Variants in ZFHX3 observed in about 807,000 individuals in gnomAD.
ZFHX3 encodes the protein zinc finger homeobox 3.
ZFHX3 carries 42 observed loss-of-function variants against 279.1 expected under a neutral mutation model. That is an observed-to-expected ratio of 0.15 (90% CI 0.12 to 0.19). The LOEUF is 0.19. Ranked by LOEUF, ZFHX3 falls within the 10% of genes least tolerant of loss-of-function variation. The probability of loss-of-function intolerance (pLI) is 1.00; values close to 1 mark genes in which losing one functional copy is unlikely to be tolerated. For synonymous variants in ZFHX3, 2,293 were observed against 1,957.8 expected, an observed-to-expected ratio of 1.17 and a Z score of -4.52; for missense variants, 4,981 against 4,754.0, an observed-to-expected ratio of 1.05 and a Z score of -1.40.
intron 3 of ZFHX3, among the ~76,000 whole-genome samples, chr16:73,361,728 C>A (rs909358562): frequency 3.9e-5 from 6 of 152,158 alleles, no homozygotes; most frequent in Admixed American, 3.9e-4. Context: ...GAAACTTTCA[C>A]ATACACAAAT....
intron 5 of ZFHX3, among the ~76,000 whole-genome samples, chr16:72,829,199 G>C (rs1190173748): frequency 6.7e-6 from 1 of 148,290 alleles, no homozygotes; most frequent in Non-Finnish European, 1.5e-5. Context: ...TTTTAGTAGA[G>C]ACAGGGACTC....
intron 1 of ZFHX3, among the ~76,000 whole-genome samples, chr16:73,055,692 G>GCACACACA (rs1232763125): frequency 1.4e-3 from 137 of 95,284 alleles, no homozygotes; most frequent in African/African-American, 3.0e-3. Flanking sequence ...GCGCGCGCGC[G>GCACACACA]CGCGCGCACA....
chr16:73,190,729 G>C (rs942596234), intron 5 of ZFHX3, among the ~76,000 whole-genome samples: 5 of 152,126 alleles, frequency 3.3e-5, no homozygotes, highest in African/African-American at 1.2e-4. Context: ...ATCATGCTTT[G>C]AACCGTTTTA....
intron 1 of ZFHX3, among the ~76,000 whole-genome samples, chr16:73,858,794 G>A (rs1421496599): frequency 6.6e-6 from 1 of 152,172 alleles, no homozygotes; most frequent in African/African-American, 2.4e-5. Flanking sequence ...ATATCATGAT[G>A]ATGGGATTCT....
chr16:73,735,676 G>T (rs564253938), intron 1 of ZFHX3, among the ~76,000 whole-genome samples: 1 of 152,086 alleles, frequency 6.6e-6, no homozygotes, highest in Non-Finnish European at 1.5e-5. Flanking sequence ...CTGAAAAGGC[G>T]CCTTTCTCCC....
At chr16:73,029,166 G>A (rs1964611455) in intron 1 of ZFHX3, among the ~76,000 whole-genome samples, 1 of 152,140 alleles carries the variant, frequency 6.6e-6, no homozygotes, top group Non-Finnish European at 1.5e-5. Flanking sequence ...GAAAGTCTCT[G>A]CTAGGAACAG....
intron 1 of ZFHX3, among the ~76,000 whole-genome samples, chr16:73,779,041 G>A (rs1040841339): frequency 3.3e-5 from 5 of 152,134 alleles, no homozygotes; most frequent in South Asian, 2.1e-4. Context: ...CCCCAGCTCC[G>A]CCCTAGGGTG....
intron 2 of ZFHX3, among the ~76,000 whole-genome samples, chr16:73,615,247 G>C (rs1250101962): frequency 5.3e-5 from 8 of 151,998 alleles, no homozygotes; most frequent in Non-Finnish European, 1.2e-4. Flanking sequence ...AACCATGCAT[G>C]TCCCGAGACA....
chr16:72,971,763 C>T (rs1362234433), intron 1 of ZFHX3, among the ~76,000 whole-genome samples: 2 of 151,944 alleles, frequency 1.3e-5, no homozygotes, highest in African/African-American at 4.8e-5. Context: ...TTTAAAAGTC[C>T]GTTTGACAGG....
intron 4 of ZFHX3, among the ~76,000 whole-genome samples, chr16:73,259,984 A>AT (rs138970337): frequency 1.1e-4 from 17 of 150,874 alleles, no homozygotes; most frequent in African/African-American, 3.4e-4. Context: ...CGTAAAATAA[A>AT]TTTTTTTTTT....
intron 1 of ZFHX3, among the ~76,000 whole-genome samples, chr16:73,007,858 T>G (rs1392120657): frequency 6.6e-6 from 1 of 152,246 alleles, no homozygotes; most frequent in Non-Finnish European, 1.5e-5. Context: ...AGGTGTTGCA[T>G]TTTAAGTTAC....
chr16:73,129,249 G>A (rs55933417), intron 7 of ZFHX3, among the ~76,000 whole-genome samples: 5,110 of 152,000 alleles, frequency 0.034, 271 homozygotes, highest in African/African-American at 0.12. Flanking sequence ...TTAGCCAGGC[G>A]TGGTGGTGGG....
intron 3 of ZFHX3, among the ~76,000 whole-genome samples, chr16:72,893,491 G>C (rs938415803): frequency 2.0e-5 from 3 of 152,202 alleles, no homozygotes; most frequent in Non-Finnish European, 2.9e-5. Context: ...TTGGGTCATA[G>C]GACCGTATAA....
At chr16:72,946,583 G>A (rs190693911) in intron 3 of ZFHX3, among the ~76,000 whole-genome samples, 21 of 152,310 alleles carry the variant, frequency 1.4e-4, no homozygotes, top group Admixed American at 7.8e-4. Context: ...CGCCCCCTCC[G>A]GGTAGAAAGC....
chr16:73,250,558 G>C (rs2013450248), intron 5 of ZFHX3, among the ~76,000 whole-genome samples: 1 of 152,054 alleles, frequency 6.6e-6, no homozygotes, highest in Non-Finnish European at 1.5e-5. Context: ...TTTTGAGACG[G>C]AATCTCGCTC....
intron 2 of ZFHX3, among the ~76,000 whole-genome samples, chr16:73,593,287 C>T (rs1297157982): frequency 6.6e-6 from 1 of 151,936 alleles, no homozygotes; most frequent in East Asian, 1.9e-4. Context: ...CTAGCAAAAC[C>T]TGGATGTCAA....
At position 72,985,554 on chromosome 16, in the gene ZFHX3, T is replaced by C. The variant is rs145398950; in HGVS notation, c.-49-25360A>G. The stretch of plus-strand genomic sequence containing the variant: ...GACTCAAGGCAGGGAAGAAATGGAA[T>C]TTTCGCTCTTGAGATTCAAATTCCT... On this transcript the variant is annotated intron_variant, in intron 1 of 9. Transcript: ENST00000268489. 6.0e-4 allele frequency among the ~76,000 whole-genome samples: 92 copies of C among 152,276 alleles called. 1 individual carries two copies. In the East Asian group the frequency reaches 0.011, roughly 19 times the overall value.
At chr16:73,850,619 G>A (rs949479734) in intron 1 of ZFHX3, among the ~76,000 whole-genome samples, 2 of 152,138 alleles carry the variant, frequency 1.3e-5, no homozygotes, top group African/African-American at 4.8e-5. Flanking sequence ...GAAGCTCTGG[G>A]GCATAAATTG....
chr16:73,072,154 A>G (rs530944482), intron 8 of ZFHX3, among the ~76,000 whole-genome samples: 2 of 152,352 alleles, frequency 1.3e-5, no homozygotes, highest in East Asian at 3.9e-4. Flanking sequence ...GGTTGGATAG[A>G]AAATCAGAAA....
Sources: allele counts gnomAD v4.1 joint callset (sites outside exome capture counted in the v4.1 genomes callset), GRCh38; gene constraint gnomAD v4.1.1; transcripts MANE v1.5; gene names NCBI Gene and HGNC (gene_info 2026-07-23, HGNC 2026-07-21).